TRDN: variants seen among roughly 807,000 people sequenced by gnomAD.
The protein encoded by TRDN is triadin.
A neutral mutation model predicts 149.7 loss-of-function variants in TRDN; 161 were observed. The observed-to-expected ratio is 1.08, with a 90% CI of 0.95 to 1.23. The LOEUF (loss-of-function observed/expected upper bound fraction) is 1.23, where lower values mean the gene tolerates loss of function less well. TRDN is among the 50% of genes most tolerant of loss of function. The pLI, the probability that TRDN is intolerant of heterozygous loss-of-function variation, is 0.00. For missense variants in TRDN, 896 were observed against 823.5 expected, an observed-to-expected ratio of 1.09 and a Z score of -1.08; for synonymous variants, 294 against 250.5, an observed-to-expected ratio of 1.17 and a Z score of -1.64.
chr6:123,234,066 G>A (rs1439078289), intron 38 of TRDN, among the ~76,000 whole-genome samples: 3 of 152,006 alleles, frequency 2.0e-5, no homozygotes, highest in African/African-American at 7.2e-5. Context: ...GCACAAAAAT[G>A]TTAAGTAATT....
chr6:123,310,424 T>C (rs183331922), intron 24 of TRDN, among the ~76,000 whole-genome samples: 78 of 152,178 alleles, frequency 5.1e-4, no homozygotes, highest in African/African-American at 1.9e-3. Context: ...ATTGCAGCTA[T>C]ACCAGCAGGA....
chr6:123,465,680 A>G (rs1776758510), intron 9 of TRDN, among the ~76,000 whole-genome samples: 1 of 151,936 alleles, frequency 6.6e-6, no homozygotes, highest in East Asian at 1.9e-4. Flanking sequence ...TCTTTAATTA[A>G]CCAATACCAT....
intron 38 of TRDN, among the ~76,000 whole-genome samples, chr6:123,237,973 A>G (rs756679906): frequency 6.6e-6 from 1 of 152,180 alleles, no homozygotes; most frequent in Non-Finnish European, 1.5e-5. Flanking sequence ...AAAGAAAACA[A>G]TAGAGTTGAA....
chr6:123,445,586 G>T (rs1464299211), intron 10 of TRDN, among the ~76,000 whole-genome samples: 1 of 83,068 alleles, frequency 1.2e-5, no homozygotes, highest in Non-Finnish European at 2.3e-5. Flanking sequence ...GACATGAACA[G>T]ACACTTCTCA....
intron 1 of TRDN, among the ~76,000 whole-genome samples, chr6:123,590,083 T>C (rs1193183742): frequency 1.3e-5 from 2 of 152,160 alleles, no homozygotes; most frequent in African/African-American, 4.8e-5. Flanking sequence ...ACTAGAGATA[T>C]GTTACAGCTG....
At chr6:123,402,103 G>A (rs919120467) in intron 12 of TRDN, among the ~76,000 whole-genome samples, 3 of 152,176 alleles carry the variant, frequency 2.0e-5, no homozygotes, top group African/African-American at 7.2e-5. Flanking sequence ...TTAATGAGAA[G>A]TAAAACACAT....
rs569407483 is a variant in TRDN at position 123,472,228 on chromosome 6, C to T, written c.854-7245G>A. Among the ~76,000 whole-genome samples, 518 of 152,270 alleles carry T rather than the reference C, an allele frequency of 3.4e-3. 4 individuals are homozygous for T. In the South Asian group the frequency reaches 0.042, roughly 12 times the overall value. On this transcript the variant is annotated intron_variant, in intron 9 of 40. Coordinates refer to ENST00000334268, the MANE Select transcript of TRDN (RefSeq NM_006073.4). ...GGCGCAGGTCAGTGGGTGCGCGCACCGTGCGCAAGCCAAAGCAGGGGGAGG... is the reference window on the plus strand; with the variant it reads ...GGCGCAGGTCAGTGGGTGCGCGCACTGTGCGCAAGCCAAAGCAGGGGGAGG...
At chr6:123,392,606 A>C (rs1275590801) in intron 13 of TRDN, among the ~76,000 whole-genome samples, 1 of 152,032 alleles carries the variant, frequency 6.6e-6, no homozygotes, top group Non-Finnish European at 1.5e-5. Flanking sequence ...TATATTCCCT[A>C]TCAGAACTTT....
intron 31 of TRDN, among the ~76,000 whole-genome samples, chr6:123,269,643 T>G (rs1222753964): frequency 6.6e-6 from 1 of 151,956 alleles, no homozygotes; most frequent in Non-Finnish European, 1.5e-5. Context: ...GGTAGATTGA[T>G]TTAACAAGAA....
chr6:123,494,799 T>A (rs1583142327), intron 9 of TRDN, among the ~76,000 whole-genome samples: 1 of 152,078 alleles, frequency 6.6e-6, no homozygotes, highest in South Asian at 2.1e-4. Context: ...AGTGGCGAGA[T>A]CTCGGCTCAC....
intron 5 of TRDN, among the ~76,000 whole-genome samples, chr6:123,518,178 G>C (rs1196762103): frequency 6.6e-6 from 1 of 151,882 alleles, no homozygotes; most frequent in East Asian, 1.9e-4. Context: ...ATGAGAAAAA[G>C]GAGAAAAAAA....
At chr6:123,442,169 G>A (rs1200599730) in intron 10 of TRDN, 1 of 152,314 alleles carries the variant, frequency 6.6e-6, no homozygotes, top group Middle Eastern at 3.2e-3. Flanking sequence ...GATGACCTTG[G>A]GCTGAATTCT....
intron 14 of TRDN, among the ~76,000 whole-genome samples, chr6:123,383,808 C>G (rs1781808391): frequency 6.6e-6 from 1 of 152,062 alleles, no homozygotes; most frequent in African/African-American, 2.4e-5. Context: ...TTTATTACCT[C>G]TCTTTCTGAA....
intron 24 of TRDN, among the ~76,000 whole-genome samples, chr6:123,297,606 C>T (rs574291707): frequency 6.6e-6 from 1 of 152,046 alleles, no homozygotes; most frequent in Admixed American, 6.6e-5. Context: ...ATCAGGCTTA[C>T]CTATCAATTG....
chr6:123,285,145 C>A (rs1027080964), intron 24 of TRDN, among the ~76,000 whole-genome samples: 1 of 151,826 alleles, frequency 6.6e-6, no homozygotes, highest in Non-Finnish European at 1.5e-5. Context: ...CAGTTCAATT[C>A]CCATCAAAAT....
At chr6:123,258,715 C>G (rs1355351956) in intron 35 of TRDN, among the ~76,000 whole-genome samples, 1 of 152,060 alleles carries the variant, frequency 6.6e-6, no homozygotes, top group Non-Finnish European at 1.5e-5. Context: ...GGAATGGTAC[C>G]AGCTCCTCTT....
At chr6:123,333,958 G>A (rs555076360) in intron 22 of TRDN, among the ~76,000 whole-genome samples, 4 of 152,084 alleles carry the variant, frequency 2.6e-5, no homozygotes, top group South Asian at 4.2e-4. Flanking sequence ...ATTGAGGCAC[G>A]AACATTGTTA....
chr6:123,592,758 G>A (rs1184429643), intron 1 of TRDN, among the ~76,000 whole-genome samples: 1 of 152,112 alleles, frequency 6.6e-6, no homozygotes, highest in Non-Finnish European at 1.5e-5. Flanking sequence ...AATTGTGGTT[G>A]CTTTAGAGCT....
chr6:123,562,363 G>A (rs933370715), intron 2 of TRDN, among the ~76,000 whole-genome samples: 5 of 152,200 alleles, frequency 3.3e-5, no homozygotes, highest in Non-Finnish European at 5.9e-5. Context: ...GTGAAAGATA[G>A]TATTTGGAGT....
Sources: gnomAD v4.1 joint callset for allele counts (sites outside exome capture counted in the v4.1 genomes callset) on GRCh38, gnomAD v4.1.1 for gene constraint, MANE v1.5 for transcripts, NCBI Gene and HGNC (gene_info 2026-07-23, HGNC 2026-07-21) for gene names.